Variants in PKN2 observed in about 807,000 individuals in gnomAD.
PKN2 encodes the protein protein kinase N2, also known as serine/threonine-protein kinase N2.
PKN2 carries 38 observed loss-of-function variants against 119.1 expected under a neutral mutation model. That is an observed-to-expected ratio of 0.32 (90% CI 0.25 to 0.42). The LOEUF (loss-of-function observed/expected upper bound fraction) is 0.42, where lower values mean the gene tolerates loss of function less well. PKN2 is among the 10% of genes least tolerant of loss of function. The pLI is 1.00. For missense variants in PKN2, 850 were observed against 1,165.1 expected, an observed-to-expected ratio of 0.73 and a Z score of 3.94; for synonymous variants, 390 against 384.9, an observed-to-expected ratio of 1.01 and a Z score of -0.15.
At chr1:88,823,102 C>G (rs905726385) in intron 17 of PKN2, among the ~76,000 whole-genome samples, 2 of 152,074 alleles carry the variant, frequency 1.3e-5, no homozygotes, top group African/African-American at 4.8e-5. Context: ...CTGCCTGTAT[C>G]CCAGCTACTC....
chr1:88,730,544 T>G (rs1668107020), intron 1 of PKN2, among the ~76,000 whole-genome samples: 1 of 152,228 alleles, frequency 6.6e-6, no homozygotes, highest in Non-Finnish European at 1.5e-5. Flanking sequence ...ATCCTGGATT[T>G]AGTTCTCTTT....
At chr1:88,767,511 A>G (rs183298628) in intron 3 of PKN2, among the ~76,000 whole-genome samples, 1 of 152,306 alleles carries the variant, frequency 6.6e-6, no homozygotes, top group East Asian at 1.9e-4. Flanking sequence ...ACACAAACCT[A>G]GATGGTACTA....
intron 3 of PKN2, among the ~76,000 whole-genome samples, chr1:88,762,247 C>T (rs906688092): frequency 3.9e-5 from 6 of 152,208 alleles, no homozygotes; most frequent in African/African-American, 1.4e-4. Flanking sequence ...AAAACAACCA[C>T]AGATCCAAAG....
intron 16 of PKN2, among the ~76,000 whole-genome samples, chr1:88,815,762 A>G (rs1671961500): frequency 6.6e-6 from 1 of 152,232 alleles, no homozygotes; most frequent in Non-Finnish European, 1.5e-5. Flanking sequence ...AAAATAACTG[A>G]CACAATACCG....
chr1:88,713,620 G>C lies in PKN2; in HGVS notation c.49-27368G>C, dbSNP rs571332253. Among the ~76,000 whole-genome samples the C allele has an allele frequency of 2.4e-4, 37 of 152,104 alleles. 1 individual carries two copies. The South Asian group carries it at 7.3e-3, about 30-fold the overall frequency. On this transcript the variant is annotated intron_variant, in intron 1 of 21. Transcript: ENST00000370521. ...ATATCCTTTGCCCACTTTTTGATGG[G>C]GTTGTTTGATTTTTTTCTTGTAAAT...
chr1:88,714,492 C>A (rs1217472109), intron 1 of PKN2, among the ~76,000 whole-genome samples: 1 of 152,058 alleles, frequency 6.6e-6, no homozygotes, highest in East Asian at 1.9e-4. Context: ...TGAAGAGGTC[C>A]TTCACATCCC....
At chr1:88,820,205 T>C (rs867248146) in intron 16 of PKN2, among the ~76,000 whole-genome samples, 2 of 108,258 alleles carry the variant, frequency 1.8e-5, no homozygotes, top group African/African-American at 5.0e-5. Flanking sequence ...TATATATATA[T>C]ATATATATAT....
At chr1:88,764,312 A>G (rs1209556971) in intron 3 of PKN2, among the ~76,000 whole-genome samples, 2 of 152,130 alleles carry the variant, frequency 1.3e-5, no homozygotes, top group African/African-American at 2.4e-5. Flanking sequence ...TAAGTCATCT[A>G]CTTGGATGCT....
intron 18 of PKN2, among the ~76,000 whole-genome samples, chr1:88,827,234 A>G (rs986643251): frequency 3.3e-5 from 5 of 152,150 alleles, no homozygotes; most frequent in Non-Finnish European, 5.9e-5. Flanking sequence ...ATTATGAGGA[A>G]CATATATTTA....
At chr1:88,685,025 TC>T (rs1471038559) in intron 1 of PKN2, 2 of 193,100 alleles carry the variant, frequency 1.0e-5, no homozygotes, top group African/African-American at 2.4e-5. Flanking sequence ...CCGCCTTTCC[TC>T]CGTACACCGC....
chr1:88,697,583 A>G (rs1437440339), intron 1 of PKN2, among the ~76,000 whole-genome samples: 3 of 152,142 alleles, frequency 2.0e-5, no homozygotes, highest in Admixed American at 1.3e-4. Context: ...TATTTAAACT[A>G]TGTACAATTG....
intron 6 of PKN2, among the ~76,000 whole-genome samples, chr1:88,774,619 G>A (rs962624476): frequency 3.3e-5 from 5 of 151,698 alleles, no homozygotes; most frequent in Non-Finnish European, 4.4e-5. Flanking sequence ...GTCATTTTGC[G>A]GGTTTTTTTT....
At position 88,684,371 on chromosome 1, in the gene PKN2, C is replaced by T; in HGVS notation, c.-210C>T. The T allele has an allele frequency of 4.1e-6, 2 of 489,402 alleles. No homozygotes were observed. Among genetic ancestry groups the T allele is most frequent in the South Asian group, 5.6e-5 (2 of 35,634 alleles). 30.3% of individuals were successfully genotyped at this position (489,402 alleles called of 1,614,324 possible). ...GTCCGGTGAGGGCGGCGAGAGGAAG[C>T]CCGCTACGAGTGCCCTAGCTCCCCG... On this transcript the variant is annotated 5_prime_UTR_variant, in exon 1 of 22. Coordinates refer to ENST00000370521, the MANE Select transcript of PKN2 (RefSeq NM_006256.4).
rs2100873029 is a variant in PKN2, at chr1:88,804,485, G to A, written c.1376G>A (p.Arg459Gln). The A allele has an allele frequency of 6.2e-7, 1 of 1,613,242 alleles. No individual in the cohort carries two copies. The highest frequency in any genetic ancestry group is 8.5e-7 in the Non-Finnish European group (1 of 1,179,548). Residue 459 changes from arginine (R) to glutamine (Q), a missense_variant, in exon 9 of 22, where the codon CGG (arginine) becomes CAG (glutamine). Arg to Gln is a conservative substitution (Grantham distance 43, BLOSUM62 1). Around this residue, in one of 9 missense-constraint regions of PKN2, gnomAD observed 350 missense variants for 511.1 expected, o/e 0.68. Coordinates refer to ENST00000370521, the MANE Select transcript of PKN2 (RefSeq NM_006256.4). Reference sequence around the variant, plus strand: ...TTAGAAGATTTTTTAGACAACCAACGGCATGGCATGTGTCTCTATTTGGAA... The same window carrying A: ...TTAGAAGATTTTTTAGACAACCAACAGCATGGCATGTGTCTCTATTTGGAA... ...LRLEDFLDNQ[R>Q]HGMCLYLEPQ...
intron 11 of PKN2, 64 bp downstream of exon 11, chr1:88,805,735 T>C (rs748797438): frequency 3.1e-6 from 5 of 1,600,962 alleles, no homozygotes; most frequent in Non-Finnish European, 4.3e-6. Flanking sequence ...ACGTACTGAT[T>C]ATAGCAGGTG....
intron 1 of PKN2, among the ~76,000 whole-genome samples, chr1:88,700,690 A>G (rs966566211): frequency 6.6e-6 from 1 of 152,206 alleles, no homozygotes; most frequent in African/African-American, 2.4e-5. Flanking sequence ...TTGGTTCTTC[A>G]TTCTGAAGGC....
At chr1:88,709,040 G>C (rs1667116670) in intron 1 of PKN2, among the ~76,000 whole-genome samples, 1 of 151,052 alleles carries the variant, frequency 6.6e-6, no homozygotes, top group Non-Finnish European at 1.5e-5. Flanking sequence ...TCTGGGGCCT[G>C]TTTATATAAT....
chr1:88,796,949 C>T (rs559887552), intron 8 of PKN2, among the ~76,000 whole-genome samples: 59 of 148,796 alleles, frequency 4.0e-4, no homozygotes, highest in Non-Finnish European at 8.0e-4. Flanking sequence ...TTTGCTGCAG[C>T]ATACCCAAAG....
intron 12 of PKN2, chr1:88,806,305 G>A (rs561982817): frequency 2.1e-5 from 7 of 332,120 alleles, no homozygotes; most frequent in Admixed American, 4.5e-5. Context: ...GAATAACTGG[G>A]GTTACAGGCA....
Sources: allele counts gnomAD v4.1 joint callset (sites outside exome capture counted in the v4.1 genomes callset), GRCh38; gene constraint gnomAD v4.1.1; regional missense constraint gnomAD v4.1.1; transcripts MANE v1.5; gene names NCBI Gene and HGNC (gene_info 2026-07-23, HGNC 2026-07-21).